Variants in DCC observed in about 807,000 individuals in gnomAD.
DCC encodes netrin receptor DCC.
Under a neutral mutation model 172.5 loss-of-function variants are expected in DCC, and 58 were observed. That is an observed-to-expected ratio of 0.34 (90% confidence interval 0.27 to 0.42). The LOEUF (loss-of-function observed/expected upper bound fraction) is 0.42, where lower values mean the gene tolerates loss of function less well. Ranked by LOEUF, DCC falls within the 10% of genes least tolerant of loss-of-function variation. The pLI is 1.00. For synonymous variants in DCC, 709 were observed against 644.5 expected, an observed-to-expected ratio of 1.10 and a Z score of -1.52; for missense variants, 1,740 against 1,791.0, an observed-to-expected ratio of 0.97 and a Z score of 0.51.
intron 15 of DCC, among the ~76,000 whole-genome samples, chr18:53,379,212 A>C (rs866933855): frequency 1.7e-4 from 26 of 152,206 alleles, no homozygotes; most frequent in Admixed American, 6.5e-4. Context: ...AGCAGCTACC[A>C]CTCTAATTTT....
chr18:53,046,871 G>A (rs181571946), intron 5 of DCC, among the ~76,000 whole-genome samples: 2 of 151,754 alleles, frequency 1.3e-5, no homozygotes, highest in Non-Finnish European at 2.9e-5. Context: ...TAAAGAGTCC[G>A]TGACTCTCTC....
intron 14 of DCC, among the ~76,000 whole-genome samples, chr18:53,336,428 C>T (rs942604024): frequency 1.3e-5 from 2 of 152,286 alleles, no homozygotes; most frequent in African/African-American, 4.8e-5. Context: ...CATAAATTGG[C>T]TATCATGGAT....
intron 1 of DCC, among the ~76,000 whole-genome samples, chr18:52,392,660 C>T (rs1301901891): frequency 2.0e-5 from 3 of 151,918 alleles, no homozygotes; most frequent in Non-Finnish European, 4.4e-5. Flanking sequence ...TTGCAATACT[C>T]CTGCTGCTAA....
intron 20 of DCC, among the ~76,000 whole-genome samples, chr18:53,413,529 A>T (rs1910114682): frequency 6.6e-6 from 1 of 152,214 alleles, no homozygotes; most frequent in African/African-American, 2.4e-5. Context: ...GACATTCAAA[A>T]TTTCTCAAGT....
intron 2 of DCC, among the ~76,000 whole-genome samples, chr18:52,880,830 C>A (rs893551433): frequency 1.3e-5 from 2 of 152,156 alleles, no homozygotes; most frequent in African/African-American, 4.8e-5. Flanking sequence ...CATGAGAGTG[C>A]AGACATCTCT....
At chr18:52,491,527 A>T (rs1021129855) in intron 1 of DCC, among the ~76,000 whole-genome samples, 2 of 152,092 alleles carry the variant, frequency 1.3e-5, no homozygotes, top group African/African-American at 2.4e-5. Context: ...AAAAGTTTTT[A>T]AAAAATAGAT....
intron 27 of DCC, among the ~76,000 whole-genome samples, chr18:53,511,637 G>A (rs1222102854): frequency 1.3e-5 from 2 of 152,236 alleles, no homozygotes; most frequent in African/African-American, 2.4e-5. Context: ...GCGAGGCATT[G>A]CGTCACTTGG....
chr18:52,933,688 C>T (rs2040341854), intron 5 of DCC, among the ~76,000 whole-genome samples: 2 of 152,006 alleles, frequency 1.3e-5, no homozygotes, highest in South Asian at 2.1e-4. Flanking sequence ...TTAATTTTAG[C>T]CAGCTATGTA....
intron 21 of DCC, among the ~76,000 whole-genome samples, chr18:53,434,750 G>A (rs1055392029): frequency 1.3e-5 from 2 of 152,150 alleles, no homozygotes; most frequent in Admixed American, 6.6e-5. Context: ...ATAAAGTCTT[G>A]TCAGTTGGGT....
intron 1 of DCC, among the ~76,000 whole-genome samples, chr18:52,350,266 C>T (rs2195781): frequency 0.32 from 49,400 of 152,082 alleles, 8,588 homozygotes; most frequent in East Asian, 0.51. Flanking sequence ...AAGTACTCAC[C>T]GAAAAGGGAC....
At chr18:53,342,292 A>G (rs1279902481) in intron 15 of DCC, among the ~76,000 whole-genome samples, 1 of 152,056 alleles carries the variant, frequency 6.6e-6, no homozygotes, top group Non-Finnish European at 1.5e-5. Flanking sequence ...TGCTATAGGC[A>G]TAGAGCTTCA....
rs191350646 is a variant in DCC at position 52,721,957 on chromosome 18, G to A, written c.92-30097G>A. ...GAGCATCACTTGAACCTGGGAGGTG[G>A]AGGTTGCAGTGAGCCGAGATTGCAT... On this transcript the variant is annotated intron_variant, in intron 1 of 28. Coordinates refer to ENST00000442544, the MANE Select transcript of DCC (RefSeq NM_005215.4). 2.0e-5 allele frequency among the ~76,000 whole-genome samples: 3 copies of A among 152,328 alleles called. No homozygotes were observed. The East Asian group carries it at 5.8e-4, about 29-fold the overall frequency.
chr18:52,734,998 C>A (rs926199041), intron 1 of DCC, among the ~76,000 whole-genome samples: 18 of 152,064 alleles, frequency 1.2e-4, no homozygotes, highest in Non-Finnish European at 1.9e-4. Flanking sequence ...TCATAGATTC[C>A]ATTATATGTA....
chr18:53,516,890 C>T (rs866095640), intron 27 of DCC, among the ~76,000 whole-genome samples: 6 of 142,532 alleles, frequency 4.2e-5, no homozygotes, highest in African/African-American at 5.9e-5. Flanking sequence ...GTCAGTGTGG[C>T]GATTCCTCAG....
intron 1 of DCC, among the ~76,000 whole-genome samples, chr18:52,747,155 A>AT: frequency 6.6e-6 from 1 of 152,294 alleles, no homozygotes; most frequent in East Asian, 1.9e-4. Context: ...GGAAACACTC[A>AT]TTTTTATGGT....
chr18:53,253,628 T>G (rs2056469223), intron 12 of DCC, among the ~76,000 whole-genome samples: 1 of 152,086 alleles, frequency 6.6e-6, no homozygotes, highest in African/African-American at 2.4e-5. Flanking sequence ...AAAAAATCAC[T>G]AATTAACTAT....
intron 1 of DCC, among the ~76,000 whole-genome samples, chr18:52,662,156 C>G (rs181264137): frequency 6.6e-6 from 1 of 152,294 alleles, no homozygotes; most frequent in East Asian, 1.9e-4. Context: ...GGCCCCACAC[C>G]TAGAGTTTCT....
At chr18:52,381,404 T>C (rs1201345415) in intron 1 of DCC, among the ~76,000 whole-genome samples, 1 of 152,154 alleles carries the variant, frequency 6.6e-6, no homozygotes, top group Non-Finnish European at 1.5e-5. Flanking sequence ...TTTCTAAGAA[T>C]AGAGTATTTG....
chr18:53,424,457 G>A (rs1416702891), intron 21 of DCC, among the ~76,000 whole-genome samples: 1 of 152,102 alleles, frequency 6.6e-6, no homozygotes, highest in Non-Finnish European at 1.5e-5. Context: ...GTTAGGAGGA[G>A]GATATTAACA....
Sources: gnomAD v4.1 joint callset for allele counts (sites outside exome capture counted in the v4.1 genomes callset) on GRCh38, gnomAD v4.1.1 for gene constraint, MANE v1.5 for transcripts, NCBI Gene and HGNC (gene_info 2026-07-23, HGNC 2026-07-21) for gene names.